CPQ: variants seen among roughly 807,000 people sequenced by gnomAD.
The protein encoded by CPQ is Ser-Met dipeptidase.
Under a neutral mutation model 45.7 loss-of-function variants are expected in CPQ, and 37 were observed. The observed-to-expected ratio is 0.81, with a 90% CI of 0.62 to 1.07. The LOEUF (loss-of-function observed/expected upper bound fraction) is 1.07, where lower values mean the gene tolerates loss of function less well. Among genes scored for constraint, CPQ ranks in the 50% least tolerant of loss-of-function variants. The pLI, the probability that CPQ is intolerant of heterozygous loss-of-function variation, is 0.00. For missense variants in CPQ, 537 were observed against 572.9 expected (o/e 0.94, Z 0.64); for synonymous variants, 186 against 205.8 (o/e 0.90, Z 0.82).
chr8:97,020,975 A>G (rs1476602222), intron 5 of CPQ, among the ~76,000 whole-genome samples: 1 of 152,224 alleles, frequency 6.6e-6, no homozygotes, highest in African/African-American at 2.4e-5. Flanking sequence ...AATCCTTAAT[A>G]AAATACTAGC....
At chr8:96,919,050 C>T (rs1812771436) in intron 4 of CPQ, among the ~76,000 whole-genome samples, 1 of 152,072 alleles carries the variant, frequency 6.6e-6, no homozygotes, top group Non-Finnish European at 1.5e-5. Context: ...TCTAGCTTTA[C>T]TGTGCTGAGT....
chr8:96,989,548 G>C (rs1354240681), intron 5 of CPQ, among the ~76,000 whole-genome samples: 1 of 151,854 alleles, frequency 6.6e-6, no homozygotes, highest in Admixed American at 6.5e-5. Context: ...GGGCATGTGA[G>C]CTGGATTTCT....
At chr8:96,850,480 C>T (rs1022962708) in intron 3 of CPQ, among the ~76,000 whole-genome samples, 1 of 152,156 alleles carries the variant, frequency 6.6e-6, no homozygotes, top group Non-Finnish European at 1.5e-5. Flanking sequence ...ATTTAAAATA[C>T]TGCTCATTGC....
chr8:96,863,450 T>A (rs1051819801), intron 3 of CPQ, among the ~76,000 whole-genome samples: 13 of 151,898 alleles, frequency 8.6e-5, no homozygotes, highest in African/African-American at 2.9e-4. Flanking sequence ...CTGGACTAAG[T>A]GTCTGCTTAT....
intron 1 of CPQ, among the ~76,000 whole-genome samples, chr8:96,677,467 T>A (rs1423187587): frequency 6.6e-6 from 1 of 152,182 alleles, no homozygotes; most frequent in Non-Finnish European, 1.5e-5. Flanking sequence ...GCTGTTTGTA[T>A]GTCTTCTTTT....
intron 4 of CPQ, among the ~76,000 whole-genome samples, chr8:96,900,789 A>G (rs1812503546): frequency 6.6e-6 from 1 of 152,140 alleles, no homozygotes; most frequent in Admixed American, 6.6e-5. Context: ...TGAGGTCCTG[A>G]CTGACACATA....
rs951590392 is a variant in CPQ at position 96,994,768 on chromosome 8, C to T, written c.961+28722C>T. Among the ~76,000 whole-genome samples the T allele has an allele frequency of 5.9e-5, 9 of 151,996 alleles. No individual in the cohort carries two copies. The East Asian group carries it at 9.6e-4, about 16-fold the overall frequency. On this transcript the variant is annotated intron_variant, in intron 5 of 7. Transcript: ENST00000220763. ...CCTAGAGTAATTTTTGATAGTACCC[C>T]GTTTCAATCTCAACATGTTCCCTGC...
intron 1 of CPQ, among the ~76,000 whole-genome samples, chr8:96,654,140 A>G (rs1339335630): frequency 6.6e-6 from 1 of 152,164 alleles, no homozygotes; most frequent in Non-Finnish European, 1.5e-5. Context: ...TCATCATCAT[A>G]AGGCACTGGT....
intron 7 of CPQ, among the ~76,000 whole-genome samples, chr8:97,074,901 G>A (rs1810815886): frequency 6.6e-6 from 1 of 152,146 alleles, no homozygotes; most frequent in Admixed American, 6.5e-5. Flanking sequence ...TTGCAGGGCA[G>A]TGGGCAATGA....
At chr8:96,787,526 T>TTTTTTTTTTTTTTTTTTTTTTTTA in intron 2 of CPQ, among the ~76,000 whole-genome samples, 1 of 55,530 alleles carries the variant, frequency 1.8e-5, no homozygotes, top group Admixed American at 1.8e-4. Context: ...TTATAATGTC[T>TTTTTTTTTTTTTTTTTTTTTTTTA]TTTTTTTTTT....
At chr8:96,899,768 G>A (rs1812491723) in intron 4 of CPQ, among the ~76,000 whole-genome samples, 2 of 152,174 alleles carry the variant, frequency 1.3e-5, no homozygotes, top group African/African-American at 4.8e-5. Flanking sequence ...TTCAAAAGGA[G>A]ATTTGACTGG....
intron 1 of CPQ, among the ~76,000 whole-genome samples, chr8:96,765,223 T>C (rs370894227): frequency 2.6e-4 from 40 of 152,348 alleles, no homozygotes; most frequent in Admixed American, 4.6e-4. Flanking sequence ...GGTCAAGTCA[T>C]GTATTTTCTA....
At chr8:96,690,368 T>C (rs1035289166) in intron 1 of CPQ, among the ~76,000 whole-genome samples, 1 of 152,154 alleles carries the variant, frequency 6.6e-6, no homozygotes, top group Admixed American at 6.6e-5. Context: ...CAATTGTCCT[T>C]ATGATTTAAT....
chr8:96,954,310 A>G (rs1813317212), intron 4 of CPQ, among the ~76,000 whole-genome samples: 1 of 152,058 alleles, frequency 6.6e-6, no homozygotes, highest in Non-Finnish European at 1.5e-5. Context: ...CATGGCTACA[A>G]TCGACTAATG....
intron 7 of CPQ, among the ~76,000 whole-genome samples, chr8:97,108,536 T>C (rs1586544996): frequency 6.6e-6 from 1 of 152,246 alleles, no homozygotes; most frequent in African/African-American, 2.4e-5. Context: ...TTTCAGATAC[T>C]GAAACCTGTG....
chr8:96,910,504 T>C (rs192071888), intron 4 of CPQ, among the ~76,000 whole-genome samples: 1 of 152,280 alleles, frequency 6.6e-6, no homozygotes, highest in Admixed American at 6.5e-5. Context: ...GTTATAATCT[T>C]TTTTTTCTCT....
intron 1 of CPQ, among the ~76,000 whole-genome samples, chr8:96,759,230 A>G (rs936901629): frequency 2.0e-5 from 3 of 151,924 alleles, no homozygotes; most frequent in Non-Finnish European, 2.9e-5. Flanking sequence ...CCTACCTTTC[A>G]TCTGCTTTCA....
At chr8:96,960,774 TTTATA>T (rs1222547758) in intron 4 of CPQ, among the ~76,000 whole-genome samples, 1 of 152,154 alleles carries the variant, frequency 6.6e-6, no homozygotes. Flanking sequence ...TTAGTTGAAA[TTTATA>T]TTATAGAATC....
chr8:96,812,291 C>T (rs908593252), intron 2 of CPQ, among the ~76,000 whole-genome samples: 7 of 152,084 alleles, frequency 4.6e-5, no homozygotes, highest in Non-Finnish European at 1.0e-4. Context: ...ATATGCCATA[C>T]CAAAAATGTT....
Sources: allele counts gnomAD v4.1 joint callset (sites outside exome capture counted in the v4.1 genomes callset), GRCh38; gene constraint gnomAD v4.1.1; transcripts MANE v1.5; gene names NCBI Gene and HGNC (gene_info 2026-07-23, HGNC 2026-07-21).